Variants in PRKAR2A observed in about 807,000 individuals in gnomAD.
PRKAR2A encodes protein kinase cAMP-dependent type II regulatory subunit alpha, also known as cAMP-dependent protein kinase type II-alpha regulatory subunit.
A neutral mutation model predicts 51.9 loss-of-function variants in PRKAR2A; 29 were observed. The observed-to-expected ratio is 0.56, with a 90% CI of 0.42 to 0.76. The LOEUF (loss-of-function observed/expected upper bound fraction) is 0.76. PRKAR2A is among the 30% of genes least tolerant of loss of function. PRKAR2A has a pLI of 0.00. For missense variants in PRKAR2A, 445 were observed against 512.1 expected, an observed-to-expected ratio of 0.87 and a Z score of 1.26; for synonymous variants, 178 against 186.2, an observed-to-expected ratio of 0.96 and a Z score of 0.36.
At chr3:48,813,232 CAAAAAAA>C (rs35033928) in intron 1 of PRKAR2A, among the ~76,000 whole-genome samples, 76 of 80,450 alleles carry the variant, frequency 9.4e-4, no homozygotes, top group Middle Eastern at 0.013. Context: ...CTATCTCTAC[CAAAAAAA>C]AAAAAAAAAA....
At chr3:48,828,131 G>A (rs181173363) in intron 1 of PRKAR2A, among the ~76,000 whole-genome samples, 8 of 152,292 alleles carry the variant, frequency 5.3e-5, no homozygotes. Flanking sequence ...CTCCTAAAGT[G>A]CTGGGATTAC....
At chr3:48,778,229 A>C (rs2082134092) in intron 5 of PRKAR2A, among the ~76,000 whole-genome samples, 1 of 151,924 alleles carries the variant, frequency 6.6e-6, no homozygotes, top group Non-Finnish European at 1.5e-5. Context: ...TCCTGGTCTC[A>C]AGTAATCCAT....
intron 4 of PRKAR2A, among the ~76,000 whole-genome samples, chr3:48,788,025 T>C (rs1371086068): frequency 6.6e-6 from 1 of 152,168 alleles, no homozygotes; most frequent in African/African-American, 2.4e-5. Context: ...TAAATGTTTT[T>C]AATTTTAAAT....
At chr3:48,813,960 C>A (rs1426717795) in intron 1 of PRKAR2A, among the ~76,000 whole-genome samples, 2 of 151,962 alleles carry the variant, frequency 1.3e-5, no homozygotes, top group Non-Finnish European at 2.9e-5. Flanking sequence ...CCCACCTCTA[C>A]TAAAAATACA....
At chr3:48,777,996 C>T (rs1251577297) in intron 5 of PRKAR2A, among the ~76,000 whole-genome samples, 2 of 152,186 alleles carry the variant, frequency 1.3e-5, no homozygotes, top group African/African-American at 4.8e-5. Context: ...CAGAGAGCCT[C>T]TCGACCTTTC....
chr3:48,826,816 T>C (rs2083075799), intron 1 of PRKAR2A, among the ~76,000 whole-genome samples: 1 of 151,998 alleles, frequency 6.6e-6, no homozygotes, highest in Admixed American at 6.6e-5. Context: ...CTAGTCACAT[T>C]CTTTATTATA....
intron 1 of PRKAR2A, among the ~76,000 whole-genome samples, chr3:48,814,278 C>T (rs900881783): frequency 6.6e-6 from 1 of 151,620 alleles, no homozygotes; most frequent in East Asian, 1.9e-4. Flanking sequence ...ATTAGCCTGG[C>T]GTGGTGGCTT....
intron 1 of PRKAR2A, among the ~76,000 whole-genome samples, chr3:48,837,318 A>C (rs373182751): frequency 6.6e-6 from 1 of 152,130 alleles, no homozygotes; most frequent in Non-Finnish European, 1.5e-5. Context: ...AATAAGAAGA[A>C]ATGCAACTGA....
In PRKAR2A at chr3:48,777,063, G is replaced by A. The variant is rs145089730; in HGVS notation, c.543-3955C>T. ...AGAAAGCCTGAGTGCTCCCTCCTTC[G>A]GTGCTGACGGGGAGTTCAATCAACA... On this transcript the variant is annotated intron_variant, in intron 5 of 10. Coordinates refer to ENST00000265563, the MANE Select transcript of PRKAR2A (RefSeq NM_004157.4). Among the ~76,000 whole-genome samples, 366 of 152,082 alleles carry A rather than the reference G, an allele frequency of 2.4e-3. 3 individuals carry two copies. The highest frequency in any genetic ancestry group is 8.4e-3 in the African/African-American group (348 of 41,498).
intron 9 of PRKAR2A, among the ~76,000 whole-genome samples, chr3:48,752,579 C>T (rs2081668948): frequency 6.6e-6 from 1 of 152,110 alleles, no homozygotes; most frequent in South Asian, 2.1e-4. Context: ...CTGAACATGC[C>T]CAATCTTGTC....
rs938992004 is a variant in PRKAR2A, at chr3:48,847,084, G to A, written c.262+251C>T. On this transcript the variant is annotated intron_variant, in intron 1 of 10. Transcript: ENST00000265563. This position sits in a 1 kb window ranked among gnomAD's most constrained non-coding sequence, Gnocchi z 4.4. ...CTCTAGCAGGGCCGACAGCGCGCACGTTTCCTTCAAGGCTGGATCTGACAA... is the reference window on the plus strand; with the variant it reads ...CTCTAGCAGGGCCGACAGCGCGCACATTTCCTTCAAGGCTGGATCTGACAA... Among the ~76,000 whole-genome samples, 1 of 152,258 alleles carries A rather than the reference G, an allele frequency of 6.6e-6. No homozygotes were observed. Among genetic ancestry groups the A allele is most frequent in the African/African-American group, 2.4e-5 (1 of 41,480 alleles).
chr3:48,785,186 G>T (rs1323924191), intron 4 of PRKAR2A, among the ~76,000 whole-genome samples: 1 of 151,416 alleles, frequency 6.6e-6, no homozygotes, highest in African/African-American at 2.4e-5. Context: ...TGCCTCCTGG[G>T]TTCAAGCGAT....
At chr3:48,841,268 G>A (rs1297503504) in intron 1 of PRKAR2A, among the ~76,000 whole-genome samples, 2 of 151,610 alleles carry the variant, frequency 1.3e-5, no homozygotes, top group Non-Finnish European at 2.9e-5. Context: ...TGGGTAGGCC[G>A]GGAACGGTGG....
At chr3:48,780,024 T>C (rs1233746459) in intron 5 of PRKAR2A, among the ~76,000 whole-genome samples, 2 of 151,194 alleles carry the variant, frequency 1.3e-5, no homozygotes, top group Non-Finnish European at 2.9e-5. Flanking sequence ...CTGGGCTTGG[T>C]GGCAGGCACC....
At position 48,753,708 on chromosome 3, in the gene PRKAR2A, G is replaced by A. The variant is rs57847252; in HGVS notation, c.940-1391C>T. ...CACATTCTGATTCAGTAAATCTGGG[G>A]AAAAGCCAGGACTCTGAACTTCTGA... On this transcript the variant is annotated intron_variant, in intron 9 of 10. Coordinates refer to ENST00000265563, the MANE Select transcript of PRKAR2A (RefSeq NM_004157.4). 4.7e-4 allele frequency among the ~76,000 whole-genome samples: 71 copies of A among 152,224 alleles called. No homozygotes were observed. The East Asian group carries it at 0.013, about 29-fold the overall frequency.
At chr3:48,758,444 G>A (rs912559486) in intron 8 of PRKAR2A, among the ~76,000 whole-genome samples, 1 of 151,472 alleles carries the variant, frequency 6.6e-6, no homozygotes, top group East Asian at 1.9e-4. Flanking sequence ...TTAGCCAGGC[G>A]TGGTGGTGTG....
chr3:48,794,149 C>CT, intron 2 of PRKAR2A, 100 bp from the exon 3 acceptor site: 9 of 877,548 alleles, frequency 1.0e-5, no homozygotes, highest in Admixed American at 5.9e-5. Flanking sequence ...TCACTGTTTT[C>CT]TTTTCTTTTT....
At chr3:48,808,086 A>C (rs572947764) in intron 1 of PRKAR2A, among the ~76,000 whole-genome samples, 1,466 of 118,638 alleles carry the variant, frequency 0.012, 9 homozygotes, top group Middle Eastern at 0.11. Context: ...CTCGCTCTGT[A>C]GCCCAGGCTG....
At chr3:48,769,426 G>A (rs2081992767) in intron 6 of PRKAR2A, among the ~76,000 whole-genome samples, 2 of 151,566 alleles carry the variant, frequency 1.3e-5, no homozygotes, top group South Asian at 4.2e-4. Context: ...CAAAGTGCTG[G>A]TATTACAGGC....
Sources: gnomAD v4.1 joint callset for allele counts (sites outside exome capture counted in the v4.1 genomes callset) on GRCh38, gnomAD v4.1.1 for gene constraint, Gnocchi (gnomAD v3.1) non-coding constraint, MANE v1.5 for transcripts, NCBI Gene and HGNC (gene_info 2026-07-23, HGNC 2026-07-21) for gene names.